The following TICRR variants were observed in gnomAD, a reference collection of about 807,000 sequenced individuals.
The protein encoded by TICRR is TOPBP1 interacting checkpoint and replication regulator.
A neutral mutation model predicts 178.1 loss-of-function variants in TICRR; 132 were observed. That is an observed-to-expected ratio of 0.74 (90% confidence interval 0.64 to 0.86). The LOEUF (loss-of-function observed/expected upper bound fraction) is 0.86. Ranked by LOEUF, TICRR falls within the 40% of genes least tolerant of loss-of-function variation. The pLI, the probability that TICRR is intolerant of heterozygous loss-of-function variation, is 0.00. For missense variants in TICRR, 2,587 were observed against 2,334.3 expected, an observed-to-expected ratio of 1.11 and a Z score of -2.23; for synonymous variants, 991 against 900.7, an observed-to-expected ratio of 1.10 and a Z score of -1.79.
chr15:89,622,100 C>T (rs1016286622), intron 19 of TICRR, among the ~76,000 whole-genome samples: 6 of 149,838 alleles, frequency 4.0e-5, no homozygotes, highest in African/African-American at 1.2e-4. Flanking sequence ...ATTCTCCTGC[C>T]TCAGCCTCCT....
intron 14 of TICRR, 129 bp from the exon 15 acceptor site, chr15:89,608,674 A>G: frequency 2.9e-6 from 2 of 698,914 alleles, no homozygotes; most frequent in Middle Eastern, 6.8e-4. Context: ...CCTTATTAGC[A>G]TATGTGACAA....
At chr15:89,618,631 C>A (rs961398895) in intron 17 of TICRR, among the ~76,000 whole-genome samples, 2 of 152,186 alleles carry the variant, frequency 1.3e-5, no homozygotes, top group African/African-American at 4.8e-5. Flanking sequence ...ACACACAGTG[C>A]CTGGCACATA....
Position 89,601,494 on chromosome 15 carries a change from A to G in TICRR, c.2253A>G (p.Thr751=), listed in dbSNP as rs768658383. 1.2e-6 allele frequency: 2 copies of G among 1,614,230 alleles called. No homozygotes were observed. Among genetic ancestry groups the G allele is most frequent in the Non-Finnish European group, 8.5e-7 (1 of 1,180,032 alleles). ...CGTTCTAAAATCTCCTTCAGGTGAC[A>G]GATTTGCTGCGCATGGTGTGTTTAA... ...DDMEQVVEEV[T]DLLRMVCLTE... The change falls in exon 11 of 22, where the codon ACA becomes ACG. Residue 751 remains threonine (T), a synonymous_variant. Coordinates refer to ENST00000268138, the MANE Select transcript of TICRR (RefSeq NM_152259.4).
intron 13 of TICRR, 47 bp downstream of exon 13, chr15:89,602,939 A>AT: frequency 9.5e-7 from 1 of 1,048,752 alleles, no homozygotes; most frequent in Non-Finnish European, 1.3e-6. Context: ...TAAGAACAAA[A>AT]AGGCAGTGTC....
chr15:89,610,761 GT>G (rs1348941689), intron 15 of TICRR, among the ~76,000 whole-genome samples: 1 of 150,862 alleles, frequency 6.6e-6, no homozygotes, highest in African/African-American at 2.4e-5. Flanking sequence ...CTCAATTCCT[GT>G]TTTTTTGTAT....
At chr15:89,623,032 A>C (rs1963452098) in intron 19 of TICRR, among the ~76,000 whole-genome samples, 1 of 152,278 alleles carries the variant, frequency 6.6e-6, no homozygotes, top group East Asian at 1.9e-4. Context: ...GCTGTAGGAA[A>C]GATAAGCATT....
At chr15:89,594,732 G>T (rs918350940) in intron 6 of TICRR, among the ~76,000 whole-genome samples, 178 bp downstream of exon 6, 3 of 152,112 alleles carry the variant, frequency 2.0e-5, no homozygotes, top group African/African-American at 4.8e-5. Context: ...AAATCAACCA[G>T]TCTTATCTGT....
Position 89,575,668 on chromosome 15 carries a change from C to G in TICRR, c.82C>G (p.Leu28Val). The G allele has an allele frequency of 1.3e-6, 2 of 1,586,698 alleles. No homozygotes were observed. The highest frequency in any genetic ancestry group is 1.7e-6 in the Non-Finnish European group (2 of 1,168,654). The change falls in exon 1 of 22, where the codon CTG (leucine) becomes GTG (valine). Residue 28 changes from leucine to valine, a missense_variant. Physicochemically the swap from Leu to Val is conservative, Grantham distance 32. Transcript: ENST00000268138. ...CCACAGCCGGGTCCGGCGGGCCGCC[C>G]TGCGCCTCCTCACCTATCTGAGTTG... Reference protein sequence around the residue: ...ARHSRVRRAALRLLTYLSCRF... With the variant: ...ARHSRVRRAAVRLLTYLSCRF...
rs1475746053 is a variant in TICRR, at chr15:89,576,033, C to T, written c.447C>T (p.Gly149=). ...EAKEAEAALG[G]LVNAVFLLAP... ...AGGAGGCCGAGGCCGCGCTCGGGGGCTTGGTGAACGCCGTCTTCCTCCTGG... is the reference window on the plus strand; with the variant it reads ...AGGAGGCCGAGGCCGCGCTCGGGGGTTTGGTGAACGCCGTCTTCCTCCTGG... The change falls in exon 1 of 22, where the codon GGC becomes GGT. Residue 149 remains glycine, a synonymous_variant. Transcript: ENST00000268138. The T allele has an allele frequency of 1.2e-6, 2 of 1,610,200 alleles. No homozygotes were observed. Among genetic ancestry groups the T allele is most frequent in the East Asian group, 4.5e-5 (2 of 44,798 alleles).
At chr15:89,594,362 G>C in intron 5 of TICRR, 53 bp from the exon 6 acceptor site, 1 of 1,483,998 alleles carries the variant, frequency 6.7e-7, no homozygotes, top group Non-Finnish European at 9.1e-7. Context: ...TATTTCTAAA[G>C]CATTTTGCAA....
chr15:89,607,922 G>A (rs761956147), intron 14 of TICRR, among the ~76,000 whole-genome samples: 7 of 152,012 alleles, frequency 4.6e-5, no homozygotes, highest in Admixed American at 1.3e-4. Context: ...TTGGAGTCAA[G>A]AATAAAATTT....
chr15:89,606,666 A>G (rs1963179778), intron 13 of TICRR, 102 bp from the exon 14 acceptor site: 1 of 920,430 alleles, frequency 1.1e-6, no homozygotes, highest in African/African-American at 1.7e-5. Context: ...ATGGATCCCT[A>G]TAAATGAATT....
Position 89,608,949 on chromosome 15 carries a change from G to GGT in TICRR, c.2869+1_2869+2dup. 1 of 1,586,608 alleles carries GGT rather than the reference G, an allele frequency of 6.3e-7. No individual in the cohort carries two copies. Among genetic ancestry groups the GGT allele is most frequent in the Non-Finnish European group, 8.5e-7 (1 of 1,171,384 alleles). Reference sequence around the variant, plus strand: ...ACTTGACAACTTCAAGAAGAACAAAGGTACCACATTTCAGAATAGCTAGGA... The same window carrying GGT: ...ACTTGACAACTTCAAGAAGAACAAAGGTGTACCACATTTCAGAATAGCTAGGA... On this transcript the variant is annotated frameshift_variant and splice_region_variant. Transcript: ENST00000268138. LOFTEE classifies it high-confidence loss of function.
chr15:89,578,454 T>G (rs888756173), intron 1 of TICRR, among the ~76,000 whole-genome samples: 1 of 152,202 alleles, frequency 6.6e-6, no homozygotes, highest in East Asian at 1.9e-4. Context: ...AATGAAATCC[T>G]AGATATATTA....
At position 89,611,703 on chromosome 15, in the gene TICRR, T is replaced by A. The variant is rs558466316; in HGVS notation, c.2869+2754T>A. Among the ~76,000 whole-genome samples the A allele has an allele frequency of 4.5e-3, 684 of 152,216 alleles. 3 individuals are homozygous for A. The highest frequency in any genetic ancestry group is 7.1e-3 in the Non-Finnish European group (483 of 68,028). ...TTTTCTTTCTGCTCAGGCTGGATAA[T>A]TTCAATTACCTTATCTTCACGTTCA... On this transcript the variant is annotated intron_variant, in intron 15 of 21. Transcript: ENST00000268138.
chr15:89,584,256 C>T, intron 2 of TICRR, 30 bp from the exon 3 acceptor site: 1 of 1,529,506 alleles, frequency 6.5e-7, no homozygotes, highest in Non-Finnish European at 8.8e-7. Flanking sequence ...TTTAATTTGG[C>T]ATCCTGGTCT....
In TICRR at chr15:89,592,096, C is replaced by G; in HGVS notation, c.1461C>G (p.Pro487=). Residue 487 remains proline, a synonymous_variant, in exon 5 of 22, where the codon CCC becomes CCG. Transcript: ENST00000268138. ...WAQQELGHTT[P]WSPAVVEKWF... is the part of the protein sequence containing the mutation. ...AGCAGGAGCTTGGCCACACCACTCC[C>G]TGGAGTCCAGCTGTTGTGGAAAAGT... 1.2e-6 allele frequency: 2 copies of G among 1,612,708 alleles called. No individual in the cohort carries two copies. Among genetic ancestry groups the G allele is most frequent in the Non-Finnish European group, 1.7e-6 (2 of 1,178,812 alleles).
At position 89,595,479 on chromosome 15, in the gene TICRR, A is replaced by C. The variant is rs774200891; in HGVS notation, c.1768A>C (p.Lys590Gln). Reference sequence around the variant, plus strand: ...GTTGAATGTCGCAAGGCTGAATGTGAAGGCCCAGAAGTTACATCCAGATGG... The same window carrying C: ...GTTGAATGTCGCAAGGCTGAATGTGCAGGCCCAGAAGTTACATCCAGATGG... ...KMLNVARLNV[K>Q]AQKLHPDGSP... The change falls in exon 7 of 22, where the codon AAG becomes CAG. Residue 590 changes from lysine (K) to glutamine (Q), a missense_variant. Physicochemically the swap from Lys to Gln is moderately conservative, Grantham distance 53. Transcript: ENST00000268138. The C allele has an allele frequency of 1.2e-6, 2 of 1,614,018 alleles. No individual in the cohort carries two copies. Among genetic ancestry groups the C allele is most frequent in the East Asian group, 4.5e-5 (2 of 44,882 alleles).
At chr15:89,590,322 C>G (rs1962889451) in intron 4 of TICRR, among the ~76,000 whole-genome samples, 1 of 152,208 alleles carries the variant, frequency 6.6e-6, no homozygotes, top group African/African-American at 2.4e-5. Flanking sequence ...TAGGAATGAT[C>G]ACATAACCAA....
Sources: gnomAD v4.1 joint callset for allele counts (sites outside exome capture counted in the v4.1 genomes callset) on GRCh38, gnomAD v4.1.1 for gene constraint, MANE v1.5 for transcripts, NCBI Gene and HGNC (gene_info 2026-07-23, HGNC 2026-07-21) for gene names.